Variants in ARHGAP42 observed in about 807,000 individuals in gnomAD.
ARHGAP42 encodes rho GTPase-activating protein 42.
In ARHGAP42, 63 loss-of-function variants were observed where a neutral mutation model predicts 125.0. The ratio of observed to expected loss-of-function variants is 0.50; its 90% confidence interval spans 0.41 to 0.62. The LOEUF (loss-of-function observed/expected upper bound fraction) is 0.62. ARHGAP42 is among the 20% of genes least tolerant of loss of function. ARHGAP42 has a pLI of 0.00. For missense variants in ARHGAP42, 766 were observed against 1,024.2 expected, an observed-to-expected ratio of 0.75 and a Z score of 3.44; for synonymous variants, 339 against 351.0, an observed-to-expected ratio of 0.97 and a Z score of 0.38.
chr11:100,748,998 C>G (rs1454072314), intron 1 of ARHGAP42, among the ~76,000 whole-genome samples: 8 of 152,110 alleles, frequency 5.3e-5, no homozygotes, highest in African/African-American at 1.9e-4. Context: ...CTCTCTGCCT[C>G]TCTCTTTCTC....
intron 5 of ARHGAP42, 78 bp from the exon 6 acceptor site, chr11:100,921,416 A>C (rs1253516493): frequency 9.0e-7 from 1 of 1,105,828 alleles, no homozygotes; most frequent in Non-Finnish European, 1.3e-6. Context: ...GTTACTTTTT[A>C]ATAAAGATAC....
intron 22 of ARHGAP42, among the ~76,000 whole-genome samples, chr11:100,981,788 G>A (rs1050191080): frequency 6.6e-6 from 1 of 152,192 alleles, no homozygotes; most frequent in Non-Finnish European, 1.5e-5. Context: ...TTTATGAATA[G>A]GATCAGGATT....
At chr11:100,852,538 T>C (rs1865228661) in intron 3 of ARHGAP42, among the ~76,000 whole-genome samples, 1 of 152,064 alleles carries the variant, frequency 6.6e-6, no homozygotes, top group Non-Finnish European at 1.5e-5. Flanking sequence ...GTGATATAAA[T>C]TATCACTTTG....
At chr11:100,906,041 A>G (rs1324167534) in intron 4 of ARHGAP42, among the ~76,000 whole-genome samples, 1 of 152,196 alleles carries the variant, frequency 6.6e-6, no homozygotes, top group Non-Finnish European at 1.5e-5. Flanking sequence ...CTCTCATCTT[A>G]GCTGGTTGCT....
intron 3 of ARHGAP42, among the ~76,000 whole-genome samples, chr11:100,826,951 G>T (rs1054884942): frequency 6.8e-6 from 1 of 147,870 alleles, no homozygotes; most frequent in Non-Finnish European, 1.5e-5. Flanking sequence ...AACGGGGAAA[G>T]AATTTTGTGA....
chr11:100,761,100 C>T (rs1862691407), intron 1 of ARHGAP42, among the ~76,000 whole-genome samples: 1 of 151,660 alleles, frequency 6.6e-6, no homozygotes, highest in African/African-American at 2.4e-5. Flanking sequence ...TGAAACTCCT[C>T]TATATTGGGT....
At chr11:100,702,152 A>G (rs1565534001) in intron 1 of ARHGAP42, among the ~76,000 whole-genome samples, 3 of 152,176 alleles carry the variant, frequency 2.0e-5, no homozygotes, top group Admixed American at 2.0e-4. Flanking sequence ...AATAAAAATA[A>G]AAATAAAGTG....
At chr11:100,960,410 T>C (rs7130586) in intron 13 of ARHGAP42, among the ~76,000 whole-genome samples, 89,364 of 151,726 alleles carry the variant, frequency 0.59, 27,097 homozygotes, top group African/African-American at 0.68. Flanking sequence ...AACTCACTTC[T>C]AGGAAAATTT....
At position 100,935,238 on chromosome 11, in the gene ARHGAP42, T is replaced by C. The variant is rs546593702; in HGVS notation, c.703-965T>C. On this transcript the variant is annotated intron_variant, in intron 7 of 23. Transcript: ENST00000298815. The stretch of plus-strand genomic sequence containing the variant: ...TGAGGTAATGCAAAAGAGGTATTCA[T>C]AGAGAAAAGTCTGATTCTTCCTATA... Among the ~76,000 whole-genome samples, 8 of 152,252 alleles carry C rather than the reference T, an allele frequency of 5.3e-5. No individual in the cohort carries two copies. The South Asian group carries it at 1.7e-3, about 32-fold the overall frequency.
At chr11:100,721,862 G>A (rs1412684507) in intron 1 of ARHGAP42, among the ~76,000 whole-genome samples, 1 of 152,100 alleles carries the variant, frequency 6.6e-6, no homozygotes, top group Non-Finnish European at 1.5e-5. Flanking sequence ...GGTCATTTTG[G>A]TTGCTTCCAA....
At chr11:100,843,278 A>G (rs886439929) in intron 3 of ARHGAP42, among the ~76,000 whole-genome samples, 1 of 152,068 alleles carries the variant, frequency 6.6e-6, no homozygotes, top group Non-Finnish European at 1.5e-5. Flanking sequence ...AAAGTTAGAT[A>G]CCCTAAACAG....
chr11:100,803,613 A>G (rs573476615), intron 3 of ARHGAP42, among the ~76,000 whole-genome samples: 19 of 152,344 alleles, frequency 1.2e-4, no homozygotes, highest in Middle Eastern at 6.8e-3. Context: ...CATAACAGAC[A>G]TAGGTGGTGG....
intron 4 of ARHGAP42, among the ~76,000 whole-genome samples, chr11:100,869,917 TG>T (rs1796858531): frequency 6.6e-6 from 1 of 152,176 alleles, no homozygotes; most frequent in Non-Finnish European, 1.5e-5. Flanking sequence ...CCCTCAAAAT[TG>T]TATTTTTCCA....
At chr11:100,709,143 G>T (rs558213659) in intron 1 of ARHGAP42, among the ~76,000 whole-genome samples, 1 of 152,064 alleles carries the variant, frequency 6.6e-6, no homozygotes. Context: ...GGTTTCAAGC[G>T]ATTCTCCTGC....
At chr11:100,935,147 TA>T (rs372302383) in intron 7 of ARHGAP42, among the ~76,000 whole-genome samples, 15,760 of 146,706 alleles carry the variant, frequency 0.11, 987 homozygotes, top group Non-Finnish European at 0.13. Flanking sequence ...TTTTTTTTTT[TA>T]AAATGGGGAA....
chr11:100,806,848 TA>T (rs1342624888), intron 3 of ARHGAP42, among the ~76,000 whole-genome samples: 9 of 151,256 alleles, frequency 6.0e-5, no homozygotes, highest in Non-Finnish European at 1.2e-4. Flanking sequence ...TTTATTTATT[TA>T]TTTATTTATT....
At chr11:100,920,423 C>A (rs1258914393) in intron 5 of ARHGAP42, among the ~76,000 whole-genome samples, 1 of 150,696 alleles carries the variant, frequency 6.6e-6, no homozygotes, top group Non-Finnish European at 1.5e-5. Context: ...CCAATAAAAT[C>A]TTTTTTTTTC....
rs141888534 is a variant in ARHGAP42, at chr11:100,821,954, T to G, written c.312+26788T>G. Among the ~76,000 whole-genome samples, 563 of 152,268 alleles carry G rather than the reference T, an allele frequency of 3.7e-3. 5 individuals carry two copies. The highest frequency in any genetic ancestry group is 0.012 in the African/African-American group (505 of 41,564). On this transcript the variant is annotated intron_variant, in intron 3 of 23. Coordinates refer to ENST00000298815, the MANE Select transcript of ARHGAP42 (RefSeq NM_152432.4). ...GCAAGAATTGTACGTTTCTTTCGAT[T>G]TCTTCATCTAGGTAGAATACTGCTG...
intron 2 of ARHGAP42, among the ~76,000 whole-genome samples, chr11:100,792,922 T>G (rs1044858342): frequency 6.6e-6 from 1 of 152,016 alleles, no homozygotes; most frequent in Non-Finnish European, 1.5e-5. Context: ...CCTGCTAATT[T>G]TTTTTGTATT....
Sources: allele counts gnomAD v4.1 joint callset (sites outside exome capture counted in the v4.1 genomes callset), GRCh38; gene constraint gnomAD v4.1.1; transcripts MANE v1.5; gene names NCBI Gene and HGNC (gene_info 2026-07-23, HGNC 2026-07-21).